MYO9A: variants seen among roughly 807,000 people sequenced by gnomAD.
MYO9A encodes unconventional myosin-IXa.
Under a neutral mutation model 293.3 loss-of-function variants are expected in MYO9A, and 103 were observed. That is an observed-to-expected ratio of 0.35 (90% confidence interval 0.30 to 0.41). MYO9A has a LOEUF of 0.41. MYO9A is among the 10% of genes least tolerant of loss of function. MYO9A has a pLI of 1.00. For synonymous variants in MYO9A, 1,001 were observed against 1,035.7 expected, an observed-to-expected ratio of 0.97 and a Z score of 0.64; for missense variants, 2,685 against 3,033.0, an observed-to-expected ratio of 0.89 and a Z score of 2.69.
intron 20 of MYO9A, among the ~76,000 whole-genome samples, chr15:71,904,410 T>C (rs1309468043): frequency 6.6e-6 from 1 of 152,238 alleles, no homozygotes; most frequent in East Asian, 1.9e-4. Context: ...CCTAGCACTT[T>C]GGGAGGCCAA....
chr15:71,995,435 A>AT (rs1349890075), intron 9 of MYO9A, among the ~76,000 whole-genome samples: 3 of 151,818 alleles, frequency 2.0e-5, no homozygotes, highest in African/African-American at 7.3e-5. Flanking sequence ...TACAAAATTT[A>AT]TTTTTTCCTC....
chr15:71,826,986 T>C lies in MYO9A; in HGVS notation c.7241A>G (p.Lys2414Arg). 1 of 1,613,144 alleles carries C rather than the reference T, an allele frequency of 6.2e-7. No homozygotes were observed. Residue 2414 changes from lysine (K) to arginine (R), a missense_variant, in exon 42 of 42, where the codon AAG becomes AGG. Physicochemically the swap from Lys to Arg is conservative, Grantham distance 26 (BLOSUM62 2). Around this residue, in one of 10 missense-constraint regions of MYO9A, gnomAD observed 350 missense variants for 328.9 expected, o/e 1.06. Transcript: ENST00000356056. ...KTAGKSEPSS[K>R]LRKQLKKQQD... is the part of the protein sequence containing the mutation. ...CTGCTTTTTAAGTTGCTTTCGCAAC[T>C]TGCTGGAAGGTTCAGACTTGCCAGC... is the stretch of plus-strand genomic sequence containing the variant.
chr15:71,845,500 CA>C (rs1426284275), intron 39 of MYO9A, among the ~76,000 whole-genome samples: 2 of 152,144 alleles, frequency 1.3e-5, no homozygotes, highest in Admixed American at 6.5e-5. Context: ...ACAGGGTCTA[CA>C]ATGTCAAAAT....
At chr15:71,882,070 G>A (rs1210062091) in intron 28 of MYO9A, among the ~76,000 whole-genome samples, 1 of 152,130 alleles carries the variant, frequency 6.6e-6, no homozygotes, top group Non-Finnish European at 1.5e-5. Flanking sequence ...GAGAGCTCAA[G>A]CCCATTCACC....
intron 18 of MYO9A, among the ~76,000 whole-genome samples, chr15:71,932,585 C>T (rs2058508063): frequency 6.6e-6 from 1 of 151,314 alleles, no homozygotes; most frequent in African/African-American, 2.4e-5. Context: ...GAGCCCAATC[C>T]TCAAACAATG....
intron 1 of MYO9A, among the ~76,000 whole-genome samples, chr15:72,054,608 T>A (rs1000418203): frequency 2.1e-5 from 3 of 142,036 alleles, no homozygotes; most frequent in African/African-American, 7.9e-5. Flanking sequence ...GAGGCAGACG[T>A]TGAAGTGAGT....
chr15:71,882,746 G>A (rs1257331153), intron 28 of MYO9A, among the ~76,000 whole-genome samples: 1 of 152,074 alleles, frequency 6.6e-6, no homozygotes, highest in African/African-American at 2.4e-5. Flanking sequence ...GAGCAGGACT[G>A]CCTAGATTCA....
At chr15:71,851,761 T>C (rs149818865) in intron 36 of MYO9A, among the ~76,000 whole-genome samples, 2 of 152,312 alleles carry the variant, frequency 1.3e-5, no homozygotes, top group African/African-American at 4.8e-5. Flanking sequence ...CTGTTAAGCT[T>C]GGCATAAAAC....
intron 18 of MYO9A, among the ~76,000 whole-genome samples, chr15:71,925,052 C>T (rs2145270507): frequency 6.6e-6 from 1 of 152,046 alleles, no homozygotes; most frequent in South Asian, 2.1e-4. Context: ...GATTTTCTGT[C>T]TGGTTGTCCT....
chr15:71,964,678 T>A (rs915820114), intron 13 of MYO9A, among the ~76,000 whole-genome samples: 1 of 149,678 alleles, frequency 6.7e-6, no homozygotes, highest in Non-Finnish European at 1.5e-5. Flanking sequence ...TCCCAGCTAC[T>A]CAGGAGGCTG....
chr15:71,998,122 G>A (rs1158610063), intron 9 of MYO9A, among the ~76,000 whole-genome samples: 1 of 152,108 alleles, frequency 6.6e-6, no homozygotes, highest in Non-Finnish European at 1.5e-5. Flanking sequence ...CTTATACACC[G>A]TGGAATACAA....
In MYO9A at chr15:71,824,916, GGAGA is replaced by G. The variant is rs933294807; in HGVS notation, c.*1660_*1663del. On this transcript the variant is annotated 3_prime_UTR_variant, in exon 42 of 42. Coordinates refer to ENST00000356056, the MANE Select transcript of MYO9A (RefSeq NM_006901.4). ...GCGTGAGGTTCAGTGTTGTGTAACA[GGAGA>G]GAGAGACTCTGCCTTAACAAAAGAC... 34 of 152,250 alleles carry G rather than the reference GGAGA, an allele frequency of 2.2e-4. No homozygotes were observed. The highest frequency in any genetic ancestry group is 2.0e-3 in the Admixed American group (31 of 15,292). The allele number at this position is 152,250 out of a possible 1,614,324, so 9.4% of individuals were successfully genotyped here. A position where few individuals can be genotyped will look rare whatever the true frequency, so the allele number is the denominator to read the frequency against.
intron 1 of MYO9A, among the ~76,000 whole-genome samples, chr15:72,061,489 A>G (rs1270636405): frequency 6.8e-6 from 1 of 146,826 alleles, no homozygotes; most frequent in Non-Finnish European, 1.5e-5. Flanking sequence ...GCCTGGCAGG[A>G]TTCACCACAA....
At chr15:72,010,311 T>C (rs746474393) in intron 7 of MYO9A, 39 bp downstream of exon 7, 1 of 1,532,032 alleles carries the variant, frequency 6.5e-7, no homozygotes, top group Non-Finnish European at 9.0e-7. Context: ...TATCATGTGT[T>C]CTCTATTAGA....
chr15:72,002,621 T>C (rs563500627), intron 8 of MYO9A, among the ~76,000 whole-genome samples: 2 of 152,314 alleles, frequency 1.3e-5, no homozygotes, highest in Admixed American at 6.5e-5. Flanking sequence ...CAGAATAATA[T>C]ATACAGTGTA....
intron 39 of MYO9A, among the ~76,000 whole-genome samples, chr15:71,835,514 AAAT>A (rs759847362): frequency 3.9e-5 from 6 of 152,178 alleles, no homozygotes; most frequent in Admixed American, 2.0e-4. Flanking sequence ...AAAAATTTTA[AAAT>A]AATACCTATG....
chr15:71,984,216 C>T (rs2076351677), intron 11 of MYO9A, among the ~76,000 whole-genome samples: 1 of 152,214 alleles, frequency 6.6e-6, no homozygotes. Context: ...GTTCTGAGCA[C>T]ATTTAATGTC....
intron 1 of MYO9A, among the ~76,000 whole-genome samples, chr15:72,084,972 T>C (rs2079669886): frequency 6.6e-6 from 1 of 152,214 alleles, no homozygotes; most frequent in South Asian, 2.1e-4. Context: ...TAATCCCGTA[T>C]TTCTTGGAGG....
chr15:72,012,557 C>T (rs577809739), intron 6 of MYO9A, among the ~76,000 whole-genome samples: 54 of 152,222 alleles, frequency 3.5e-4, no homozygotes, highest in African/African-American at 1.2e-3. Flanking sequence ...CTCAGCCTCC[C>T]AAAGTGCTGG....
Sources: allele counts gnomAD v4.1 joint callset (sites outside exome capture counted in the v4.1 genomes callset), GRCh38; gene constraint gnomAD v4.1.1; regional missense constraint gnomAD v4.1.1; transcripts MANE v1.5; gene names NCBI Gene and HGNC (gene_info 2026-07-23, HGNC 2026-07-21).